Variants in GTF2A1 observed in about 807,000 individuals in gnomAD.
GTF2A1 encodes general transcription factor IIA subunit 1.
GTF2A1 carries 12 observed loss-of-function variants against 54.1 expected under a neutral mutation model. The observed-to-expected ratio is 0.22, with a 90% CI of 0.14 to 0.36. The LOEUF is 0.36. Ranked by LOEUF, GTF2A1 falls within the 10% of genes least tolerant of loss-of-function variation. GTF2A1 has a pLI of 1.00. For missense variants in GTF2A1, 335 were observed against 442.2 expected, an observed-to-expected ratio of 0.76 and a Z score of 2.17; for synonymous variants, 145 against 152.0, an observed-to-expected ratio of 0.95 and a Z score of 0.34.
In GTF2A1 at chr14:81,200,363, C is replaced by T. The variant is rs143762641; in HGVS notation, c.402+1231G>A. 8.7e-4 allele frequency among the ~76,000 whole-genome samples: 132 copies of T among 152,206 alleles called. 2 individuals carry two copies. The highest frequency in any genetic ancestry group is 3.1e-3 in the African/African-American group (129 of 41,526). Reference sequence around the variant, plus strand: ...TTGAGGCTGGGCGTGGTGGCTCACACCTGTAATCCTAACACTTCAGGAGGC... The same window carrying T: ...TTGAGGCTGGGCGTGGTGGCTCACATCTGTAATCCTAACACTTCAGGAGGC... On this transcript the variant is annotated intron_variant, in intron 4 of 8. Coordinates refer to ENST00000553612, the MANE Select transcript of GTF2A1 (RefSeq NM_015859.4).
intron 1 of GTF2A1, among the ~76,000 whole-genome samples, 186 bp downstream of exon 1, chr14:81,220,277 CCCTCCCCGCGCCGCGAGCCCTCGGCG>C (rs1230185478): frequency 6.9e-6 from 1 of 145,322 alleles, no homozygotes; most frequent in Non-Finnish European, 1.5e-5. Context: ...GGCGCCCCCG[CCCTCCCCGCGCCGCGAGCCCTCGGCG>C]CCCCCCCGCG....
chr14:81,190,501 T>C (rs1397307460), intron 7 of GTF2A1, among the ~76,000 whole-genome samples: 3 of 152,036 alleles, frequency 2.0e-5, no homozygotes, highest in African/African-American at 4.8e-5. Flanking sequence ...GGTTTACAAA[T>C]AGAAAATCAA....
intron 3 of GTF2A1, among the ~76,000 whole-genome samples, chr14:81,202,341 C>CAA (rs1893131828): frequency 6.6e-6 from 1 of 152,178 alleles, no homozygotes; most frequent in Non-Finnish European, 1.5e-5. Context: ...AAAGTAAGCT[C>CAA]AAAAAGTTGT....
rs555660868 is a variant in GTF2A1 at position 81,178,760 on chromosome 14, A to G, written c.*1463T>C. 5.9e-5 allele frequency: 9 copies of G among 152,344 alleles called. No individual in the cohort carries two copies. Among genetic ancestry groups the G allele is most frequent in the African/African-American group, 9.6e-5 (4 of 41,582 alleles). 9.4% of individuals were successfully genotyped at this position (152,344 alleles called of 1,614,324 possible). A position where few individuals can be genotyped will look rare whatever the true frequency, so the allele number is the denominator to read the frequency against. Reference sequence around the variant, plus strand: ...GAAGACAAAAACTGAAGATTAAAAAAATATATCAATATACAAGTAACCTAA... The same window carrying G: ...GAAGACAAAAACTGAAGATTAAAAAGATATATCAATATACAAGTAACCTAA... On this transcript the variant is annotated 3_prime_UTR_variant, in exon 9 of 9. Transcript: ENST00000553612.
Position 81,178,078 on chromosome 14 carries a change from A to G in GTF2A1, c.*2145T>C, listed in dbSNP as rs1892564517. On this transcript the variant is annotated 3_prime_UTR_variant, in exon 9 of 9. Coordinates refer to ENST00000553612, the MANE Select transcript of GTF2A1 (RefSeq NM_015859.4). ...GTGGTTGTTAATATTTGAAAAATAA[A>G]GTTATAAAAACAGGCCAGTATACAA... 6.6e-6 allele frequency: 1 copy of G among 152,276 alleles called. No homozygotes were observed. 9.4% of individuals were successfully genotyped at this position (152,276 alleles called of 1,614,324 possible). A position where few individuals can be genotyped will look rare whatever the true frequency, so the allele number is the denominator to read the frequency against.
intron 1 of GTF2A1, 34 bp from the exon 2 acceptor site, chr14:81,216,548 AGT>A: frequency 1.1e-6 from 1 of 907,954 alleles, no homozygotes; most frequent in Non-Finnish European, 1.8e-6. Context: ...TGAAAAAGAC[AGT>A]TTTTCACAGC....
intron 1 of GTF2A1, among the ~76,000 whole-genome samples, chr14:81,218,729 A>C (rs1480883573): frequency 6.6e-6 from 1 of 151,772 alleles, no homozygotes; most frequent in African/African-American, 2.4e-5. Flanking sequence ...AATGCTGGAA[A>C]ATAAATTGGA....
At chr14:81,211,424 T>C (rs546465043) in intron 2 of GTF2A1, among the ~76,000 whole-genome samples, 2 of 152,198 alleles carry the variant, frequency 1.3e-5, no homozygotes, top group African/African-American at 2.4e-5. Context: ...ATATGTCACA[T>C]AGAGGCAAAA....
At chr14:81,215,906 G>C (rs1006216242) in intron 2 of GTF2A1, among the ~76,000 whole-genome samples, 1 of 152,210 alleles carries the variant, frequency 6.6e-6, no homozygotes, top group Non-Finnish European at 1.5e-5. Flanking sequence ...ATGCTGGCAT[G>C]TGCCTGTAGT....
intron 7 of GTF2A1, among the ~76,000 whole-genome samples, chr14:81,191,031 C>T (rs1042188055): frequency 3.3e-5 from 5 of 152,082 alleles, no homozygotes; most frequent in East Asian, 3.8e-4. Flanking sequence ...GGGGAGGAAA[C>T]GGGCAAGAGA....
chr14:81,218,554 A>G (rs1294789054), intron 1 of GTF2A1, among the ~76,000 whole-genome samples: 1 of 152,190 alleles, frequency 6.6e-6, no homozygotes, highest in South Asian at 2.1e-4. Context: ...AAAATTCTAC[A>G]CTAATACTTG....
intron 2 of GTF2A1, among the ~76,000 whole-genome samples, chr14:81,215,762 G>A (rs2140043313): frequency 6.6e-6 from 1 of 152,232 alleles, no homozygotes; most frequent in Non-Finnish European, 1.5e-5. Flanking sequence ...AAGGCTGGGC[G>A]CTGTGGCTCA....
chr14:81,202,512 G>A (rs1405742826), intron 3 of GTF2A1, among the ~76,000 whole-genome samples: 2 of 152,194 alleles, frequency 1.3e-5, no homozygotes, highest in Non-Finnish European at 2.9e-5. Flanking sequence ...AGGATCACTT[G>A]AGCCCAGGAG....
intron 2 of GTF2A1, among the ~76,000 whole-genome samples, chr14:81,210,395 G>A (rs936998858): frequency 6.6e-5 from 10 of 152,000 alleles, no homozygotes; most frequent in Admixed American, 1.3e-4. Flanking sequence ...GGCCGGGCAC[G>A]GTGGCTCATG....
rs1419902730 is a variant in GTF2A1, at chr14:81,211,875, T to TCA, written c.132+4537_132+4538insTG. 2.5e-3 allele frequency among the ~76,000 whole-genome samples: 170 copies of TCA among 68,478 alleles called. 6 individuals are homozygous for TCA. The highest frequency in any genetic ancestry group is 7.9e-3 in the African/African-American group (157 of 19,816). 44.9% of individuals were successfully genotyped at this position (68,478 alleles called of 152,430 possible). On this transcript the variant is annotated intron_variant, in intron 2 of 8. Coordinates refer to ENST00000553612, the MANE Select transcript of GTF2A1 (RefSeq NM_015859.4). ...ACATAATTAGAGTGTATCAAGTACT[T>TCA]TATATATATATATATATATATATAT...
chr14:81,209,209 TA>T (rs1204682938), intron 2 of GTF2A1, among the ~76,000 whole-genome samples: 2 of 152,172 alleles, frequency 1.3e-5, no homozygotes, highest in Non-Finnish European at 2.9e-5. Context: ...AACTGAATCA[TA>T]GGGCCCAGTC....
chr14:81,196,390 T>C, intron 5 of GTF2A1, 149 bp from the exon 6 acceptor site: 1 of 738,230 alleles, frequency 1.4e-6, no homozygotes, highest in Non-Finnish European at 2.2e-6. Context: ...TCATACACAG[T>C]ATGCATAATC....
chr14:81,187,786 A>G (rs1892782445), intron 7 of GTF2A1, among the ~76,000 whole-genome samples: 1 of 152,234 alleles, frequency 6.6e-6, no homozygotes, highest in Non-Finnish European at 1.5e-5. Flanking sequence ...TGCTATGAAC[A>G]GTCACATACA....
intron 2 of GTF2A1, among the ~76,000 whole-genome samples, chr14:81,205,452 A>G (rs1421200421): frequency 6.6e-6 from 1 of 152,354 alleles, no homozygotes; most frequent in African/African-American, 2.4e-5. Context: ...GTCTATTCTT[A>G]GAGAGATGGT....
Sources: allele counts gnomAD v4.1 joint callset (sites outside exome capture counted in the v4.1 genomes callset), GRCh38; gene constraint gnomAD v4.1.1; transcripts MANE v1.5; gene names NCBI Gene and HGNC (gene_info 2026-07-23, HGNC 2026-07-21).